NUDCD3: variants seen among roughly 807,000 people sequenced by gnomAD.
NUDCD3 encodes the protein NudC domain containing 3, also known as nudC domain-containing protein 3.
Under a neutral mutation model 39.7 loss-of-function variants are expected in NUDCD3, and 13 were observed. The observed-to-expected ratio is 0.33, with a 90% CI of 0.21 to 0.52. NUDCD3 has a LOEUF of 0.52. Ranked by LOEUF, NUDCD3 falls within the 20% of genes least tolerant of loss-of-function variation. The pLI is 0.96. For synonymous variants in NUDCD3, 175 were observed against 172.4 expected (o/e 1.02, Z -0.12); for missense variants, 453 against 458.1 (o/e 0.99, Z 0.10).
At chr7:44,400,944 A>G (rs1226944548) in intron 4 of NUDCD3, among the ~76,000 whole-genome samples, 1 of 152,226 alleles carries the variant, frequency 6.6e-6, no homozygotes, top group Non-Finnish European at 1.5e-5. Context: ...AACCCTTTAG[A>G]GCAAAGCCCT....
At chr7:44,444,873 C>A (rs759712710) in intron 2 of NUDCD3, among the ~76,000 whole-genome samples, 4 of 152,200 alleles carry the variant, frequency 2.6e-5, no homozygotes, top group Admixed American at 1.3e-4. Context: ...TCCTTTTATT[C>A]CCAGCGAAAC....
At position 44,469,668 on chromosome 7, in the gene NUDCD3, AT is replaced by A. The variant is rs778281118; in HGVS notation, c.509+15299del. ...TCCATTCAGCCAAATGATCACAGTT[AT>A]GATCACAATTAACATCAGAAGGAAT... On this transcript the variant is annotated intron_variant, in intron 2 of 5. Coordinates refer to ENST00000355451, the MANE Select transcript of NUDCD3 (RefSeq NM_015332.4). Among the ~76,000 whole-genome samples the A allele has an allele frequency of 7.2e-5, 11 of 152,352 alleles. No homozygotes were observed. In the South Asian group the frequency reaches 2.3e-3, roughly 32 times the overall value.
At position 44,380,291 on chromosome 7, in the gene NUDCD3, G is replaced by T. The variant is rs994793800; in HGVS notation, c.*5720C>A. The T allele has an allele frequency of 4.6e-5, 7 of 152,558 alleles. No individual in the cohort carries two copies. Among genetic ancestry groups the T allele is most frequent in the African/African-American group, 1.7e-4 (7 of 41,446 alleles). The allele number at this position is 152,558 out of a possible 1,614,324, so 9.5% of individuals were successfully genotyped here. On this transcript the variant is annotated 3_prime_UTR_variant, in exon 6 of 6. Coordinates refer to ENST00000355451, the MANE Select transcript of NUDCD3 (RefSeq NM_015332.4). ...CCTCTCTAGACCCTCTGCCTGCCAG[G>T]TGTGTAAGCCTTTCTGCCTGGACAG...
chr7:44,479,288 A>C (rs1458160291), intron 2 of NUDCD3, among the ~76,000 whole-genome samples: 2 of 152,338 alleles, frequency 1.3e-5, no homozygotes, highest in South Asian at 4.1e-4. Context: ...CCAAAGTCAT[A>C]AACTGTATTC....
Position 44,490,587 on chromosome 7 carries a change from G to T in NUDCD3, c.14C>A (p.Ala5Glu). Reference sequence around the variant, plus strand: ...AAGGGCCTGGTCATACAGCTCGGCCGCCCCTGTCTCCATGTCGCCTCCCGC... The same window carrying T: ...AAGGGCCTGGTCATACAGCTCGGCCTCCCCTGTCTCCATGTCGCCTCCCGC... METG[A>E]AELYDQALLG... Residue 5 changes from alanine (A) to glutamate (E), a missense_variant, in exon 1 of 6, where the codon GCG (alanine) becomes GAG (glutamate). Ala to Glu is a moderately radical substitution (Grantham distance 107). Transcript: ENST00000355451. 1.9e-6 allele frequency: 3 copies of T among 1,608,324 alleles called. No individual in the cohort carries two copies. The highest frequency in any genetic ancestry group is 2.3e-5 in the East Asian group (1 of 44,442).
chr7:44,405,009 G>A (rs1798792573), intron 3 of NUDCD3, among the ~76,000 whole-genome samples: 1 of 152,148 alleles, frequency 6.6e-6, no homozygotes, highest in South Asian at 2.1e-4. Flanking sequence ...AGCTGAGGGG[G>A]CTGCACACCC....
At chr7:44,386,536 G>C (rs1798406131) in intron 5 of NUDCD3, among the ~76,000 whole-genome samples, 1 of 152,202 alleles carries the variant, frequency 6.6e-6, no homozygotes, top group Non-Finnish European at 1.5e-5. Context: ...GGTGCGTAGA[G>C]AAAGTGCTCA....
intron 3 of NUDCD3, among the ~76,000 whole-genome samples, chr7:44,416,933 G>A (rs549429969): frequency 2.0e-5 from 3 of 152,280 alleles, no homozygotes; most frequent in South Asian, 4.1e-4. Context: ...AGGAGGACTG[G>A]GGGGGACAAC....
intron 2 of NUDCD3, among the ~76,000 whole-genome samples, chr7:44,430,443 G>C (rs1214889770): frequency 6.6e-6 from 1 of 152,148 alleles, no homozygotes; most frequent in Non-Finnish European, 1.5e-5. Context: ...CAATAGGGTA[G>C]CAGCAGCTAC....
At chr7:44,410,838 G>A (rs1387631355) in intron 3 of NUDCD3, among the ~76,000 whole-genome samples, 1 of 151,926 alleles carries the variant, frequency 6.6e-6, no homozygotes, top group African/African-American at 2.4e-5. Flanking sequence ...ATGGTGGTGC[G>A]TGCCTGTAGT....
chr7:44,413,812 G>C (rs188355307), intron 3 of NUDCD3, among the ~76,000 whole-genome samples: 5 of 152,120 alleles, frequency 3.3e-5, no homozygotes, highest in African/African-American at 1.2e-4. Context: ...CAGCACTTTG[G>C]GAGACCAAGG....
intron 2 of NUDCD3, among the ~76,000 whole-genome samples, chr7:44,451,881 TGA>T (rs1402957683): frequency 6.6e-6 from 1 of 152,108 alleles, no homozygotes; most frequent in Non-Finnish European, 1.5e-5. Flanking sequence ...CAGAGTCACC[TGA>T]GAGAAAAAAC....
chr7:44,418,576 T>C (rs776719977), intron 3 of NUDCD3, among the ~76,000 whole-genome samples: 1 of 152,216 alleles, frequency 6.6e-6, no homozygotes, highest in Non-Finnish European at 1.5e-5. Context: ...ATTCAGTAAC[T>C]TCTCTCAGCC....
Position 44,470,603 on chromosome 7 carries a change from C to T in NUDCD3, c.509+14365G>A, listed in dbSNP as rs570390294. Among the ~76,000 whole-genome samples, 13 of 152,270 alleles carry T rather than the reference C, an allele frequency of 8.5e-5. 1 individual carries two copies. In the South Asian group the frequency reaches 2.1e-3, roughly 24 times the overall value. On this transcript the variant is annotated intron_variant, in intron 2 of 5. Transcript: ENST00000355451. ...CAGAGAGCACAAGGCCTGCGTGGAC[C>T]GGGCTCTGCATAGTCCTGGGCATCT...
At chr7:44,419,209 G>C (rs1799089519) in intron 3 of NUDCD3, among the ~76,000 whole-genome samples, 1 of 152,130 alleles carries the variant, frequency 6.6e-6, no homozygotes, top group African/African-American at 2.4e-5. Flanking sequence ...CAGTGCTAAA[G>C]AGGCCTGGAA....
chr7:44,420,278 G>T (rs1799113169), intron 3 of NUDCD3, among the ~76,000 whole-genome samples: 1 of 151,874 alleles, frequency 6.6e-6, no homozygotes, highest in Non-Finnish European at 1.5e-5. Context: ...ACTGAAATAA[G>T]GTGTGAAGAC....
At chr7:44,425,662 A>T (rs1037106462) in intron 3 of NUDCD3, among the ~76,000 whole-genome samples, 3 of 152,154 alleles carry the variant, frequency 2.0e-5, no homozygotes, top group Non-Finnish European at 4.4e-5. Flanking sequence ...CCAGGAGTTC[A>T]AGACCAGCCT....
At chr7:44,449,394 A>T (rs1421596012) in intron 2 of NUDCD3, among the ~76,000 whole-genome samples, 2 of 152,226 alleles carry the variant, frequency 1.3e-5, no homozygotes, top group Non-Finnish European at 2.9e-5. Context: ...CTTGTGAGAA[A>T]GCCACTGTAT....
chr7:44,458,305 G>A (rs1373693398), intron 2 of NUDCD3, among the ~76,000 whole-genome samples: 1 of 152,210 alleles, frequency 6.6e-6, no homozygotes. Flanking sequence ...CTAGGGCTGG[G>A]AGGTTTGAGA....
Sources: allele counts gnomAD v4.1 joint callset (sites outside exome capture counted in the v4.1 genomes callset), GRCh38; gene constraint gnomAD v4.1.1; transcripts MANE v1.5; gene names NCBI Gene and HGNC (gene_info 2026-07-23, HGNC 2026-07-21).